The following NOL4L variants were observed in gnomAD, a reference collection of about 807,000 sequenced individuals.
NOL4L encodes nucleolar protein 4 like.
In NOL4L, 7 loss-of-function variants were observed where a neutral mutation model predicts 64.5. That is an observed-to-expected ratio of 0.11 (90% CI 0.06 to 0.20). NOL4L has a LOEUF of 0.20. Ranked by LOEUF, NOL4L falls within the 10% of genes least tolerant of loss-of-function variation. The pLI, the probability that NOL4L is intolerant of heterozygous loss-of-function variation, is 1.00. For synonymous variants in NOL4L, 413 were observed against 401.0 expected (o/e 1.03, Z -0.36); for missense variants, 680 against 967.1 (o/e 0.70, Z 3.94).
At chr20:32,569,358 G>T (rs1013699985) in intron 1 of NOL4L, among the ~76,000 whole-genome samples, 2 of 152,218 alleles carry the variant, frequency 1.3e-5, no homozygotes, top group East Asian at 1.9e-4. Context: ...GAAGCCACAG[G>T]AGAGTTTTGA....
intron 4 of NOL4L, among the ~76,000 whole-genome samples, chr20:32,488,184 C>G (rs1305653995): frequency 6.6e-6 from 1 of 152,192 alleles, no homozygotes; most frequent in African/African-American, 2.4e-5. Flanking sequence ...CCCGCCTTGG[C>G]CTTCCAAAGA....
Position 32,470,823 on chromosome 20 carries a change from TCTTCTGGGGACCCTCACA to T in NOL4L, c.841+3760_841+3777del, listed in dbSNP as rs141740344. 1.6e-3 allele frequency among the ~76,000 whole-genome samples: 246 copies of T among 152,274 alleles called. 4 individuals carry two copies. In the East Asian group the frequency reaches 0.045, roughly 28 times the overall value. On this transcript the variant is annotated intron_variant, in intron 5 of 10. Transcript: ENST00000621426. ...TTTGGTTCCCTAGCTGCCCTGCCCA[TCTTCTGGGGACCCTCACA>T]CATGGCCCCTGCCCCTGCCAAAGGG...
At position 32,452,361 on chromosome 20, in the gene NOL4L, G is replaced by A. The variant is rs1360214246; in HGVS notation, c.1697C>T (p.Ala566Val). The change falls in exon 10 of 11, where the codon GCC becomes GTC. Residue 566 changes from alanine (A) to valine (V), a missense_variant. Physicochemically the swap from Ala to Val is moderately conservative, Grantham distance 64. This residue lies in a region of NOL4L where 175 missense variants were observed against 227.0 expected (regional missense o/e 0.77). Transcript: ENST00000621426. ...CACAGGGTCCTGGGAGTAGGAGGAG[G>A]CTGGCAGTGAGTAGGTGGAGTGGGT... ...AITHSTYSLP[A>V]SSYSQDPVYA... 6.2e-7 allele frequency: 1 copy of A among 1,612,700 alleles called. No individual in the cohort carries two copies.
At chr20:32,552,434 C>G (rs1978360482) in intron 1 of NOL4L, among the ~76,000 whole-genome samples, 1 of 152,136 alleles carries the variant, frequency 6.6e-6, no homozygotes, top group Non-Finnish European at 1.5e-5. Flanking sequence ...TGCCTATAAT[C>G]CCAACACTTT....
At chr20:32,490,552 TA>T (rs1481517410) in intron 4 of NOL4L, among the ~76,000 whole-genome samples, 5 of 152,132 alleles carry the variant, frequency 3.3e-5, no homozygotes, top group Non-Finnish European at 7.4e-5. Flanking sequence ...TTCTTTATAT[TA>T]ACTGATTTTT....
intron 1 of NOL4L, among the ~76,000 whole-genome samples, chr20:32,542,935 G>C (rs1262657605): frequency 6.6e-6 from 1 of 152,148 alleles, no homozygotes; most frequent in Non-Finnish European, 1.5e-5. Context: ...CCGACCTCAC[G>C]GGGTTGTGAG....
intron 1 of NOL4L, among the ~76,000 whole-genome samples, chr20:32,566,646 A>C (rs376158289): frequency 1.3e-5 from 2 of 151,970 alleles, no homozygotes; most frequent in Non-Finnish European, 2.9e-5. Context: ...TTTCCACCCA[A>C]TTCCCGTATA....
At chr20:32,547,562 A>G (rs542867148) in intron 1 of NOL4L, among the ~76,000 whole-genome samples, 1 of 152,262 alleles carries the variant, frequency 6.6e-6, no homozygotes, top group East Asian at 1.9e-4. Flanking sequence ...TAGTTCAGGG[A>G]TTACAGGCAT....
chr20:32,493,953 G>A (rs1354589053), intron 4 of NOL4L, among the ~76,000 whole-genome samples: 1 of 152,054 alleles, frequency 6.6e-6, no homozygotes. Context: ...CTAATTCTGT[G>A]ACTTCAGACA....
chr20:32,542,550 C>G (rs1420547095), intron 1 of NOL4L, among the ~76,000 whole-genome samples: 3 of 152,088 alleles, frequency 2.0e-5, no homozygotes, highest in Non-Finnish European at 4.4e-5. Flanking sequence ...GACAGAGTCT[C>G]ATTGTGTTGC....
chr20:32,535,237 C>T (rs2018478325), intron 1 of NOL4L, among the ~76,000 whole-genome samples: 1 of 150,138 alleles, frequency 6.7e-6, no homozygotes, highest in Non-Finnish European at 1.5e-5. Flanking sequence ...TTTAATTTCT[C>T]TCGGTTCTGA....
chr20:32,572,964 G>A (rs1480994205), intron 1 of NOL4L, among the ~76,000 whole-genome samples: 1 of 152,122 alleles, frequency 6.6e-6, no homozygotes, highest in Non-Finnish European at 1.5e-5. Context: ...TTCCGATGCT[G>A]AGCACTTGAC....
chr20:32,475,605 C>A (rs1396227564), intron 4 of NOL4L, among the ~76,000 whole-genome samples: 1 of 152,254 alleles, frequency 6.6e-6, no homozygotes, highest in Non-Finnish European at 1.5e-5. Context: ...CCAGGCCCAG[C>A]CTTTCAGGAG....
At chr20:32,486,676 T>A (rs552078674) in intron 4 of NOL4L, 2 of 465,946 alleles carry the variant, frequency 4.3e-6, no homozygotes, top group East Asian at 1.4e-4. Context: ...GACTTATTAA[T>A]GACAGAGAAG....
At chr20:32,507,204 T>G (rs181916262) in intron 4 of NOL4L, among the ~76,000 whole-genome samples, 1 of 152,264 alleles carries the variant, frequency 6.6e-6, no homozygotes, top group East Asian at 1.9e-4. Context: ...CAATTTCCAT[T>G]TTATATCTTT....
At chr20:32,567,893 A>G (rs949877285) in intron 1 of NOL4L, among the ~76,000 whole-genome samples, 2 of 151,176 alleles carry the variant, frequency 1.3e-5, no homozygotes, top group African/African-American at 4.9e-5. Flanking sequence ...CACCACCACC[A>G]TCATCTTCAT....
At chr20:32,571,273 C>T (rs565728749) in intron 1 of NOL4L, among the ~76,000 whole-genome samples, 33 of 152,278 alleles carry the variant, frequency 2.2e-4, no homozygotes, top group African/African-American at 7.0e-4. Flanking sequence ...TTGCAACCTC[C>T]GCCTCCCAGG....
At chr20:32,498,031 CA>C (rs1212855612) in intron 4 of NOL4L, among the ~76,000 whole-genome samples, 2 of 152,320 alleles carry the variant, frequency 1.3e-5, no homozygotes, top group Non-Finnish European at 2.9e-5. Flanking sequence ...GTTGAAAGGC[CA>C]CCTTGGCATT....
At chr20:32,496,070 C>T (rs1018948011) in intron 4 of NOL4L, among the ~76,000 whole-genome samples, 2 of 152,158 alleles carry the variant, frequency 1.3e-5, no homozygotes, top group Non-Finnish European at 2.9e-5. Flanking sequence ...GAAAGATCAC[C>T]ACTAGGCTTC....
Sources: gnomAD v4.1 joint callset for allele counts (sites outside exome capture counted in the v4.1 genomes callset) on GRCh38, gnomAD v4.1.1 for gene constraint, gnomAD v4.1.1 regional missense constraint, MANE v1.5 for transcripts, NCBI Gene and HGNC (gene_info 2026-07-23, HGNC 2026-07-21) for gene names.